The following BOK variants were observed in gnomAD, a reference collection of about 807,000 sequenced individuals.
BOK encodes the protein bcl-2-related ovarian killer protein.
In BOK, 20 loss-of-function variants were observed where a neutral mutation model predicts 18.3. That is an observed-to-expected ratio of 1.09 (90% CI 0.77 to 1.59). The LOEUF is 1.59. Among genes scored for constraint, BOK ranks in the 40% most tolerant of loss-of-function variants. BOK has a pLI of 0.00. For missense variants in BOK, 348 were observed against 307.9 expected, an observed-to-expected ratio of 1.13 and a Z score of -0.97; for synonymous variants, 173 against 142.4, an observed-to-expected ratio of 1.21 and a Z score of -1.53.
chr2:241,561,044 G>A (rs1198138004), intron 2 of BOK, among the ~76,000 whole-genome samples: 2 of 152,208 alleles, frequency 1.3e-5, no homozygotes, highest in South Asian at 2.1e-4. Flanking sequence ...GGGAGCTGCC[G>A]GGTCAGTCCT....
intron 3 of BOK, among the ~76,000 whole-genome samples, chr2:241,564,515 TG>T (rs1246011692): frequency 7.4e-5 from 8 of 107,482 alleles, no homozygotes; most frequent in Non-Finnish European, 1.3e-4. Flanking sequence ...CTGAGTCGGC[TG>T]GGGGTGCATA....
intron 3 of BOK, among the ~76,000 whole-genome samples, chr2:241,566,694 C>T (rs2066622581): frequency 7.3e-6 from 1 of 136,854 alleles, no homozygotes; most frequent in African/African-American, 2.8e-5. Context: ...GCTGAGCTGG[C>T]CCCTGGCAGA....
At chr2:241,557,184 A>G (rs1382965206), upstream of BOK, among the ~76,000 whole-genome samples, 1 of 146,740 alleles carries the variant, frequency 6.8e-6, no homozygotes, top group African/African-American at 2.5e-5. Context: ...GATTTTCTCT[A>G]TTTTTTGCTT....
At chr2:241,556,850 A>G (rs1173343543), upstream of BOK, among the ~76,000 whole-genome samples, 1 of 152,212 alleles carries the variant, frequency 6.6e-6, no homozygotes, top group Non-Finnish European at 1.5e-5. Context: ...GAATTTCTCA[A>G]TGAAACCATC....
intron 3 of BOK, among the ~76,000 whole-genome samples, chr2:241,569,605 G>A (rs2066674082): frequency 6.6e-6 from 1 of 152,136 alleles, no homozygotes; most frequent in Non-Finnish European, 1.5e-5. Context: ...TCACGTATAA[G>A]ACGTCTTTCC....
chr2:241,569,670 C>T (rs192544705), intron 3 of BOK, among the ~76,000 whole-genome samples: 44 of 152,144 alleles, frequency 2.9e-4, no homozygotes, highest in Admixed American at 2.7e-3. Flanking sequence ...CACCATCTTT[C>T]GTCCTCTCTT....
chr2:241,559,403 C>G, intron 1 of BOK, 52 bp from the exon 2 acceptor site: 1 of 1,195,668 alleles, frequency 8.4e-7, no homozygotes, highest in South Asian at 2.7e-5. Context: ...GCCCCGCGCG[C>G]CCCGTTCCCC....
At chr2:241,558,333 G>A (rs1309582110), upstream of BOK, among the ~76,000 whole-genome samples, 1 of 152,170 alleles carries the variant, frequency 6.6e-6, no homozygotes, top group African/African-American at 2.4e-5. Context: ...AGAAAATATT[G>A]ATAAATTGGA....
chr2:241,552,801 G>T (rs1048449523), intron 1 of BOK, among the ~76,000 whole-genome samples: 1 of 152,194 alleles, frequency 6.6e-6, no homozygotes, highest in Non-Finnish European at 1.5e-5. Context: ...ATCACCACTG[G>T]GAAGAAGCCA....
intron 3 of BOK, among the ~76,000 whole-genome samples, chr2:241,566,199 G>A (rs182415887): frequency 5.8e-4 from 88 of 152,106 alleles, no homozygotes; most frequent in Admixed American, 1.4e-3. Context: ...CAGGAGAATC[G>A]CTTGAACCCG....
At chr2:241,551,917 C>T (rs116013809) in intron 1 of BOK, among the ~76,000 whole-genome samples, 4,039 of 148,378 alleles carry the variant, frequency 0.027, 205 homozygotes, top group African/African-American at 0.093. Flanking sequence ...GGGGGTGACC[C>T]GTGGGGTGGG....
rs1204455226 is a variant in BOK at position 241,572,299 on chromosome 2, T to C, written c.516T>C (p.Thr172=). 15 of 1,611,168 alleles carry C rather than the reference T, an allele frequency of 9.3e-6. No homozygotes were observed. Among genetic ancestry groups the C allele is most frequent in the Non-Finnish European group, 1.2e-5 (14 of 1,179,668 alleles). The change falls in exon 5 of 5, where the codon ACT becomes ACC. Residue 172 remains threonine (T), a splice_region_variant and synonymous_variant. Transcript: ENST00000318407. ...ACGGTCTCCCTCTTCCCTCCCAGAC[T>C]GATGTCCTCAAGTGTGTGGTCAGCA... ...ATWLRRRGGW[T]DVLKCVVSTD... is the part of the protein sequence containing the mutation.
chr2:241,566,010 T>A (rs1409791365), intron 3 of BOK, among the ~76,000 whole-genome samples: 1 of 152,072 alleles, frequency 6.6e-6, no homozygotes, highest in Non-Finnish European at 1.5e-5. Context: ...AATGGCTGGG[T>A]GCAGTGACTC....
chr2:241,562,338 G>T lies in BOK; in HGVS notation c.221-10G>T. 1.9e-6 allele frequency: 3 copies of T among 1,591,126 alleles called. No homozygotes were observed. Among genetic ancestry groups the T allele is most frequent in the South Asian group, 2.3e-5 (2 of 87,252 alleles). Reference sequence around the variant, plus strand: ...TGGGCTGCCTCTCACCTGCTCTTGTGACCACACAGGCGATGAGCTGGAGAT... The same window carrying T: ...TGGGCTGCCTCTCACCTGCTCTTGTTACCACACAGGCGATGAGCTGGAGAT... On this transcript the variant is annotated splice_polypyrimidine_tract_variant and intron_variant, in intron 2 of 4. Coordinates refer to ENST00000318407, the MANE Select transcript of BOK (RefSeq NM_032515.5). The surrounding 1 kb of genome is among the most constrained non-coding windows in gnomAD (Gnocchi z 4.5).
upstream of BOK, among the ~76,000 whole-genome samples, chr2:241,556,780 C>A (rs2066454972): frequency 6.6e-6 from 1 of 152,102 alleles, no homozygotes; most frequent in Non-Finnish European, 1.5e-5. Flanking sequence ...AATACTCCCT[C>A]ATTTTTAGTC....
At position 241,559,552 on chromosome 2, in the gene BOK, A is replaced by T. The variant is rs567087852; in HGVS notation, c.69A>T (p.Thr23=). 16 of 1,527,604 alleles carry T rather than the reference A, an allele frequency of 1.0e-5. No homozygotes were observed. The highest frequency in any genetic ancestry group is 1.4e-5 in the Non-Finnish European group (16 of 1,146,628). 94.6% of individuals were successfully genotyped at this position (1,527,604 alleles called of 1,614,324 possible). A position where few individuals can be genotyped will look rare whatever the true frequency, so the allele number is the denominator to read the frequency against. The change falls in exon 2 of 5, where the codon ACA becomes ACT. Residue 23 remains threonine (T), a synonymous_variant. Coordinates refer to ENST00000318407, the MANE Select transcript of BOK (RefSeq NM_032515.5). ...TGGACGCCTTTGACCGCTCGCCCAC[A>T]GACAAGGAGCTGGTGGCCCAGGCCA... ...EIMDAFDRSP[T]DKELVAQAKA... is the part of the protein sequence containing the mutation.
upstream of BOK, among the ~76,000 whole-genome samples, chr2:241,556,515 C>T (rs570069791): frequency 6.5e-4 from 57 of 88,066 alleles, no homozygotes; most frequent in African/African-American, 2.4e-3. Flanking sequence ...GCCCAGGAGG[C>T]GGGGTTGCAG....
chr2:241,572,371 C>G lies in BOK; in HGVS notation c.588C>G (p.Ser196Arg). Residue 196 changes from serine (S) to arginine (R), a missense_variant, in exon 5 of 5, where the codon AGC becomes AGG. Ser to Arg is a moderately radical substitution (Grantham distance 110). Coordinates refer to ENST00000318407, the MANE Select transcript of BOK (RefSeq NM_032515.5). Reference sequence around the variant, plus strand: ...ACTGGCTGGTGGCTGCACTCTGCAGCTTCGGCCGCTTCCTGAAGGCTGCCT... The same window carrying G: ...ACTGGCTGGTGGCTGCACTCTGCAGGTTCGGCCGCTTCCTGAAGGCTGCCT... ...RSHWLVAALC[S>R]FGRFLKAAFF... is the part of the protein sequence containing the mutation. 6.2e-7 allele frequency: 1 copy of G among 1,606,214 alleles called. No individual in the cohort carries two copies. Among genetic ancestry groups the G allele is most frequent in the Non-Finnish European group, 8.5e-7 (1 of 1,179,272 alleles).
At chr2:241,552,216 C>T (rs1045882177) in intron 1 of BOK, among the ~76,000 whole-genome samples, 2 of 152,218 alleles carry the variant, frequency 1.3e-5, no homozygotes, top group Non-Finnish European at 1.5e-5. Flanking sequence ...CCTGGGTCAC[C>T]CCATGCACAG....
Sources: allele counts gnomAD v4.1 joint callset (sites outside exome capture counted in the v4.1 genomes callset), GRCh38; gene constraint gnomAD v4.1.1; non-coding constraint Gnocchi (gnomAD v3.1); transcripts MANE v1.5; gene names NCBI Gene and HGNC (gene_info 2026-07-23, HGNC 2026-07-21).